Variants in MYH2 observed in about 807,000 individuals in gnomAD.
The protein encoded by MYH2 is myosin heavy chain 2.
Under a neutral mutation model 228.1 loss-of-function variants are expected in MYH2, and 139 were observed. The observed-to-expected ratio is 0.61, with a 90% confidence interval of 0.53 to 0.70. The LOEUF is 0.70. Ranked by LOEUF, MYH2 falls within the 30% of genes least tolerant of loss-of-function variation. The pLI, the probability that MYH2 is intolerant of heterozygous loss-of-function variation, is 0.00. For missense variants in MYH2, 1,809 were observed against 2,357.5 expected, an observed-to-expected ratio of 0.77 and a Z score of 4.82; for synonymous variants, 796 against 871.1, an observed-to-expected ratio of 0.91 and a Z score of 1.52.
rs1261053007 is a variant in MYH2, at chr17:10,544,146, A to C, written c.506-19T>G. On this transcript the variant is annotated intron_variant, in intron 5 of 39. Transcript: ENST00000245503. ...TCTCGGTCTACAAAAGAAATTATAG[A>C]CATTTAATACTGTTTTCTTACATAT... The C allele has an allele frequency of 6.2e-7, 1 of 1,609,784 alleles. No individual in the cohort carries two copies. The highest frequency in any genetic ancestry group is 2.2e-5 in the East Asian group (1 of 44,834).
rs1597459444 is a variant in MYH2 at position 10,547,501 on chromosome 17, C to T, written c.322G>A (p.Glu108Lys). Residue 108 changes from glutamate (E) to lysine (K), a missense_variant, in exon 4 of 40, where the codon GAA becomes AAA. Coordinates refer to ENST00000245503, the MANE Select transcript of MYH2 (RefSeq NM_017534.6). ...HEPAVLYNLK[E>K]RYAAWMIYTY... ...TAGATCATCCAGGCTGCATAACGTT[C>T]TTTGAGGTTGTACAGCACAGCAGGC... 6.2e-7 allele frequency: 1 copy of T among 1,614,098 alleles called. No individual in the cohort carries two copies. The highest frequency in any genetic ancestry group is 1.7e-5 in the Admixed American group (1 of 60,016).
rs1415201994 is a variant in MYH2 at position 10,524,034 on chromosome 17, T to C, written c.5176-150A>G. ...TAAAGGATTGTGTTATGTAATATGA[T>C]TAAATAAAATATAAATGTTATAGAA... On this transcript the variant is annotated intron_variant, in intron 35 of 39. Transcript: ENST00000245503. This position sits in a 1 kb window ranked among gnomAD's most constrained non-coding sequence, Gnocchi z 4.7. 1 of 754,824 alleles carries C rather than the reference T, an allele frequency of 1.3e-6. No individual in the cohort carries two copies. Among genetic ancestry groups the C allele is most frequent in the Non-Finnish European group, 2.1e-6 (1 of 482,488 alleles). The allele number at this position is 754,824 out of a possible 1,614,324, so 46.8% of individuals were successfully genotyped here. A position where few individuals can be genotyped will look rare whatever the true frequency, so the allele number is the denominator to read the frequency against.
intron 10 of MYH2, among the ~76,000 whole-genome samples, chr17:10,541,001 C>T (rs2073546178): frequency 6.6e-6 from 1 of 152,128 alleles, no homozygotes; most frequent in Non-Finnish European, 1.5e-5. Flanking sequence ...TTTCCTATGC[C>T]TGTCTTTACT....
rs1482982274 is a variant in MYH2, at chr17:10,537,453, G to A, written c.1677C>T (p.His559=). 3 of 1,614,216 alleles carry A rather than the reference G, an allele frequency of 1.9e-6. No homozygotes were observed. The highest frequency in any genetic ancestry group is 1.3e-5 in the African/African-American group (1 of 75,048). The part of the protein sequence containing the change: ...TSFKNKLYDQ[H]LGKSANFQKP... The stretch of plus-strand genomic sequence containing the variant: ...TCTGGAAGTTGGCAGACTTGCCCAG[G>A]TGCTGGTCATACAGCTTGTTCTTGA... Residue 559 remains histidine, a synonymous_variant, in exon 16 of 40, where the codon CAC becomes CAT. Coordinates refer to ENST00000245503, the MANE Select transcript of MYH2 (RefSeq NM_017534.6). This position sits in a 1 kb window ranked among gnomAD's most constrained non-coding sequence, Gnocchi z 4.0.
In MYH2 at chr17:10,529,715, G is replaced by T. The variant is rs1300369809; in HGVS notation, c.2966C>A (p.Ala989Glu). Reference sequence around the variant, plus strand: ...CTTAGCAATGGTTTCATCCAGACCTGCCATCTCTTCTGTGAGGTTTTTCAC... The same window carrying T: ...CTTAGCAATGGTTTCATCCAGACCTTCCATCTCTTCTGTGAGGTTTTTCAC... ...NKVKNLTEEMAGLDETIAKLT... is the reference protein window; with the variant it reads ...NKVKNLTEEMEGLDETIAKLT... The change falls in exon 24 of 40, where the codon GCA (alanine) becomes GAA (glutamate). Residue 989 changes from alanine to glutamate, a missense_variant. Transcript: ENST00000245503. 1.9e-6 allele frequency: 3 copies of T among 1,613,816 alleles called. No homozygotes were observed. Among genetic ancestry groups the T allele is most frequent in the African/African-American group, 2.7e-5 (2 of 74,732 alleles).
At position 10,526,752 on chromosome 17, in the gene MYH2, T is replaced by C; in HGVS notation, c.4034A>G (p.Asp1345Gly). The C allele has an allele frequency of 6.2e-7, 1 of 1,614,228 alleles. No individual in the cohort carries two copies. Among genetic ancestry groups the C allele is most frequent in the Non-Finnish European group, 8.5e-7 (1 of 1,180,038 alleles). Residue 1345 changes from aspartate to glycine, a missense_variant, in exon 30 of 40, where the codon GAC (aspartate) becomes GGC (glycine). Physicochemically the swap from Asp to Gly is moderately conservative, Grantham distance 94. Around this residue, in one of 9 missense-constraint regions of MYH2, gnomAD observed 636 missense variants for 729.9 expected, o/e 0.87. Coordinates refer to ENST00000245503, the MANE Select transcript of MYH2 (RefSeq NM_017534.6). ...ATACTGTTCCCGCAGCAGGTCACAG[T>C]CGTGGCGGGAAGACTGCAGGGCATG... ...LAHALQSSRH[D>G]CDLLREQYEE...
In MYH2 at chr17:10,528,769, T is replaced by C. The variant is rs772105755; in HGVS notation, c.3665A>G (p.Lys1222Arg). 33 of 1,614,032 alleles carry C rather than the reference T, an allele frequency of 2.0e-5. No individual in the cohort carries two copies. The highest frequency in any genetic ancestry group is 2.5e-5 in the Non-Finnish European group (29 of 1,179,996). Residue 1222 changes from lysine to arginine, a missense_variant, in exon 27 of 40, where the codon AAG becomes AGG. Physicochemically the swap from Lys to Arg is conservative, Grantham distance 26. Coordinates refer to ENST00000245503, the MANE Select transcript of MYH2 (RefSeq NM_017534.6). ...QIDNLQRVKQ[K>R]LEKEKSEMKM... is the part of the protein sequence containing the mutation. ...CATCTCACTCTTCTCCTTCTCCAGC[T>C]TCTGCTTCACTCGCTGCAGGTTGTC...
At chr17:10,536,185 TA>T (rs2073480046) in intron 17 of MYH2, among the ~76,000 whole-genome samples, 1 of 152,186 alleles carries the variant, frequency 6.6e-6, no homozygotes, top group Non-Finnish European at 1.5e-5. Context: ...CTTGTACTTT[TA>T]AAAGCAAATT....
chr17:10,548,814 C>T (rs559422808), intron 2 of MYH2, among the ~76,000 whole-genome samples: 3 of 152,178 alleles, frequency 2.0e-5, no homozygotes, highest in South Asian at 4.2e-4. Flanking sequence ...ATAATTCTAC[C>T]GCAGTCATTA....
At position 10,525,176 on chromosome 17, in the gene MYH2, A is replaced by G; in HGVS notation, c.4662+48T>C. The G allele has an allele frequency of 1.2e-6, 2 of 1,613,824 alleles. No homozygotes were observed. The highest frequency in any genetic ancestry group is 1.1e-5 in the South Asian group (1 of 91,062). On this transcript the variant is annotated intron_variant, in intron 33 of 39. Transcript: ENST00000245503. The surrounding 1 kb of genome is among the most constrained non-coding windows in gnomAD (Gnocchi z 4.2). ...CTTTTTATTCACTCTATGCAGATGTACCTAATTATTTTCCAGATTTTTTTA... is the reference window on the plus strand; with the variant it reads ...CTTTTTATTCACTCTATGCAGATGTGCCTAATTATTTTCCAGATTTTTTTA...
intron 28 of MYH2, 136 bp from the exon 29 acceptor site, chr17:10,527,192 G>C: frequency 1.3e-6 from 1 of 761,446 alleles, no homozygotes. Context: ...ACATCTTCAT[G>C]CTCAATGCAG....
chr17:10,525,273 T>G lies in MYH2; in HGVS notation c.4613A>C (p.Gln1538Pro). The G allele has an allele frequency of 1.2e-6, 2 of 1,614,158 alleles. No homozygotes were observed. Among genetic ancestry groups the G allele is most frequent in the Non-Finnish European group, 1.7e-6 (2 of 1,180,026 alleles). Residue 1538 changes from glutamine to proline, a missense_variant, in exon 33 of 40, where the codon CAA becomes CCA. This residue lies in a region of MYH2 where 636 missense variants were observed against 729.9 expected (regional missense o/e 0.87). Coordinates refer to ENST00000245503, the MANE Select transcript of MYH2 (RefSeq NM_017534.6). This position sits in a 1 kb window ranked among gnomAD's most constrained non-coding sequence, Gnocchi z 4.2. ...RIHELEKIKK[Q>P]VEQEKCELQA... ...AAGTTCACACTTTTCTTGTTCCACT[T>G]GTTTCTTTATTTTCTCCAGTTCATG...
rs201854230 is a variant in MYH2, at chr17:10,542,882, T to A, written c.897A>T (p.Glu299Asp). The stretch of plus-strand genomic sequence containing the variant: ...AATTATGACATTTCTTACCAATAAG[T>A]TCTGGTTTCTTATTCGATGTAATCT... Reference protein sequence around the residue: ...FYQITSNKKPELIEMLLITTN... With the variant: ...FYQITSNKKPDLIEMLLITTN... The change falls in exon 10 of 40, where the codon GAA becomes GAT. Residue 299 changes from glutamate (E) to aspartate (D), a missense_variant. By Grantham distance (45) the Glu-to-Asp change is conservative (BLOSUM62 2). This residue lies in a region of MYH2 where 373 missense variants were observed against 620.4 expected (regional missense o/e 0.60). Transcript: ENST00000245503. The A allele has an allele frequency of 1.3e-6, 2 of 1,593,518 alleles. No homozygotes were observed. The highest frequency in any genetic ancestry group is 2.7e-5 in the African/African-American group (2 of 74,582).
chr17:10,542,349 C>T (rs1424467966), intron 10 of MYH2, among the ~76,000 whole-genome samples: 4 of 152,090 alleles, frequency 2.6e-5, no homozygotes, highest in Non-Finnish European at 5.9e-5. Context: ...AGTTGTATCA[C>T]TATAGTGTTG....
chr17:10,522,032 A>G (rs2073291209), intron 39 of MYH2, among the ~76,000 whole-genome samples: 1 of 152,188 alleles, frequency 6.6e-6, no homozygotes, highest in East Asian at 1.9e-4. Flanking sequence ...TCTTTGCTGT[A>G]ACTGTCTTTA....
In MYH2 at chr17:10,545,455, C is replaced by T. The variant is rs1597458463; in HGVS notation, c.396G>A (p.Leu132=). 1 of 1,614,188 alleles carries T rather than the reference C, an allele frequency of 6.2e-7. No individual in the cohort carries two copies. The highest frequency in any genetic ancestry group is 2.2e-5 in the East Asian group (1 of 44,878). The change falls in exon 5 of 40, where the codon CTG becomes CTA. Residue 132 remains leucine (L), a synonymous_variant. Coordinates refer to ENST00000245503, the MANE Select transcript of MYH2 (RefSeq NM_017534.6). ...TCACCACCTCGGGCTTATACACAGG[C>T]AGCCACTTGTAGGGGTTGACAGTGA... is the stretch of plus-strand genomic sequence containing the variant. ...FCVTVNPYKW[L]PVYKPEVVTA... is the part of the protein sequence containing the mutation.
intron 24 of MYH2, 36 bp downstream of exon 24, chr17:10,529,528 A>G: frequency 6.2e-7 from 1 of 1,614,214 alleles, no homozygotes; most frequent in Non-Finnish European, 8.5e-7. Context: ...ATCTTCCTTT[A>G]GAAGAAAAGA....
intron 14 of MYH2, 97 bp downstream of exon 14, chr17:10,539,108 A>C (rs920304325): frequency 6.2e-7 from 1 of 1,601,654 alleles, no homozygotes; most frequent in Admixed American, 1.7e-5. Context: ...TAATTTCTAC[A>C]GTGGTAAGAA....
Position 10,539,438 on chromosome 17 carries a change from A to C in MYH2, c.1266+6T>G, listed in dbSNP as rs2073524130. ...CCCTGGCAGTTAATTTGAATTATGCACCTACCTGTTCTACAGTCTGGCCTT... is the reference window on the plus strand; with the variant it reads ...CCCTGGCAGTTAATTTGAATTATGCCCCTACCTGTTCTACAGTCTGGCCTT... On this transcript the variant is annotated splice_donor_region_variant and intron_variant, in intron 13 of 39. Transcript: ENST00000245503. The C allele has an allele frequency of 6.2e-7, 1 of 1,614,064 alleles. No homozygotes were observed. The highest frequency in any genetic ancestry group is 8.5e-7 in the Non-Finnish European group (1 of 1,179,924).
Sources: allele counts gnomAD v4.1 joint callset (sites outside exome capture counted in the v4.1 genomes callset), GRCh38; gene constraint gnomAD v4.1.1; regional missense constraint gnomAD v4.1.1; non-coding constraint Gnocchi (gnomAD v3.1); transcripts MANE v1.5; gene names NCBI Gene and HGNC (gene_info 2026-07-23, HGNC 2026-07-21).